Variants in TENM3 observed in about 807,000 individuals in gnomAD.
The protein encoded by TENM3 is teneurin-3.
A neutral mutation model predicts 255.1 loss-of-function variants in TENM3; 63 were observed. The ratio of observed to expected loss-of-function variants is 0.25; its 90% CI spans 0.20 to 0.30. TENM3 has a LOEUF of 0.30. Ranked by LOEUF, TENM3 falls within the 10% of genes least tolerant of loss-of-function variation. TENM3 has a pLI of 1.00. For synonymous variants in TENM3, 1,306 were observed against 1,322.3 expected (o/e 0.99, Z 0.27); for missense variants, 2,929 against 3,461.1 (o/e 0.85, Z 3.86).
At chr4:181,823,032 G>C in the TENM3 span, among the ~76,000 whole-genome samples, 1 of 152,302 alleles carries the variant, frequency 6.6e-6, no homozygotes, top group East Asian at 1.9e-4. Flanking sequence ...GCAGGGAATG[G>C]ATTAATTGAG....
the TENM3 span, among the ~76,000 whole-genome samples, chr4:181,761,317 T>C: frequency 4.6e-5 from 7 of 152,002 alleles, no homozygotes; most frequent in East Asian, 1.9e-4. Context: ...ATAAAGTAAA[T>C]AGCAAGTTAA....
chr4:181,887,688 C>G, the TENM3 span, among the ~76,000 whole-genome samples: 1 of 152,174 alleles, frequency 6.6e-6, no homozygotes, highest in African/African-American at 2.4e-5. Flanking sequence ...CTTCTGCACA[C>G]GCTCTGATCA....
chr4:181,963,010 C>T, the TENM3 span, among the ~76,000 whole-genome samples: 1 of 152,124 alleles, frequency 6.6e-6, no homozygotes, highest in Non-Finnish European at 1.5e-5. Flanking sequence ...AGTTGTAATG[C>T]ACCTCAATAC....
At chr4:182,105,930 G>C in the TENM3 span, among the ~76,000 whole-genome samples, 5 of 152,198 alleles carry the variant, frequency 3.3e-5, no homozygotes, top group Non-Finnish European at 7.3e-5. Flanking sequence ...CTTCACCACT[G>C]TGCCATGTAT....
chr4:181,506,236 A>G, the TENM3 span, among the ~76,000 whole-genome samples: 2,150 of 152,266 alleles, frequency 0.014, 24 homozygotes, highest in Middle Eastern at 0.031. Context: ...CCTGCCAGAA[A>G]GTTTAGGGAC....
intron 3 of TENM3, among the ~76,000 whole-genome samples, chr4:182,509,384 A>G (rs149898068): frequency 3.9e-4 from 59 of 152,244 alleles, no homozygotes; most frequent in Non-Finnish European, 4.3e-4. Context: ...GCACCATATA[A>G]TGCTTGCTTC....
the TENM3 span, among the ~76,000 whole-genome samples, chr4:181,671,502 CCTGT>C: frequency 6.6e-6 from 1 of 152,052 alleles, no homozygotes; most frequent in Non-Finnish European, 1.5e-5. Flanking sequence ...AGTTTGTTCA[CCTGT>C]CTGAGTTTCT....
At chr4:181,734,349 C>T in the TENM3 span, among the ~76,000 whole-genome samples, 6 of 151,874 alleles carry the variant, frequency 4.0e-5, no homozygotes, top group Non-Finnish European at 7.4e-5. Context: ...TAGCGCTCAC[C>T]ACTTGTTTGG....
chr4:182,795,508 AATAAAAAGAATACCACTGGTTTT>A (rs1766436459), intron 26 of TENM3, among the ~76,000 whole-genome samples: 1 of 152,172 alleles, frequency 6.6e-6, no homozygotes, highest in Non-Finnish European at 1.5e-5. Flanking sequence ...CCCCATTTCA[AATAAAAAGAATACCACTGGTTTT>A]ATAGCCATAT....
At chr4:182,402,924 T>G (rs1245007738) in intron 3 of TENM3, among the ~76,000 whole-genome samples, 2 of 152,242 alleles carry the variant, frequency 1.3e-5, no homozygotes, top group South Asian at 4.1e-4. Context: ...AAATATGATT[T>G]GAGAATAAAA....
At chr4:182,360,012 T>G (rs548158052) in intron 3 of TENM3, among the ~76,000 whole-genome samples, 1 of 152,348 alleles carries the variant, frequency 6.6e-6, no homozygotes, top group East Asian at 1.9e-4. Flanking sequence ...TTGTTCAGTT[T>G]CCATGGAGTT....
chr4:182,316,014 C>T (rs1762730906), intron 1 of TENM3, among the ~76,000 whole-genome samples: 1 of 151,980 alleles, frequency 6.6e-6, no homozygotes, highest in Admixed American at 6.6e-5. Context: ...TTTTCATGTC[C>T]TTCTCTATGA....
chr4:181,956,186 A>G, the TENM3 span, among the ~76,000 whole-genome samples: 2 of 152,176 alleles, frequency 1.3e-5, no homozygotes, highest in Admixed American at 1.3e-4. Flanking sequence ...ACTCACATTC[A>G]TAAGGGCTCT....
intron 1 of TENM3, among the ~76,000 whole-genome samples, chr4:182,260,001 T>C (rs1579930255): frequency 6.6e-6 from 1 of 152,198 alleles, no homozygotes; most frequent in East Asian, 1.9e-4. Flanking sequence ...CGTCTGTCTG[T>C]GCCTGGCTTA....
chr4:181,454,835 T>C, the TENM3 span, among the ~76,000 whole-genome samples: 1 of 152,066 alleles, frequency 6.6e-6, no homozygotes, highest in Middle Eastern at 3.4e-3. Context: ...AGGTGTGTAG[T>C]CAGTTCTACC....
At chr4:182,426,026 A>T (rs1771196296) in intron 3 of TENM3, among the ~76,000 whole-genome samples, 1 of 147,278 alleles carries the variant, frequency 6.8e-6, no homozygotes, top group Non-Finnish European at 1.5e-5. Flanking sequence ...AAAAAAAAAA[A>T]AAAACACTCG....
upstream of TENM3, among the ~76,000 whole-genome samples, chr4:182,243,160 G>T (rs1757388698): frequency 1.3e-5 from 2 of 152,184 alleles, no homozygotes. Context: ...TGTCGCTCAG[G>T]CTGGAGTGCA....
intron 3 of TENM3, among the ~76,000 whole-genome samples, chr4:182,485,554 AT>A (rs1734615490): frequency 6.6e-6 from 1 of 152,156 alleles, no homozygotes; most frequent in African/African-American, 2.4e-5. Flanking sequence ...ATGTTTATAA[AT>A]ACATACTGGA....
intron 12 of TENM3, among the ~76,000 whole-genome samples, chr4:182,701,281 C>T (rs1757850696): frequency 8.5e-6 from 1 of 118,094 alleles, no homozygotes; most frequent in Non-Finnish European, 1.6e-5. Flanking sequence ...AGAGCAGTGG[C>T]ACGATCTCGG....
Sources: gnomAD v4.1 joint callset for allele counts (sites outside exome capture counted in the v4.1 genomes callset) on GRCh38, gnomAD v4.1.1 for gene constraint, MANE v1.5 for transcripts, NCBI Gene and HGNC (gene_info 2026-07-23, HGNC 2026-07-21) for gene names.